The following NMUR2 variants were observed in gnomAD, a reference collection of about 807,000 sequenced individuals.
NMUR2 encodes the protein neuromedin-U receptor 2.
NMUR2 carries 24 observed loss-of-function variants against 25.1 expected under a neutral mutation model. That is an observed-to-expected ratio of 0.96 (90% confidence interval 0.69 to 1.34). NMUR2 has a LOEUF of 1.34. NMUR2 is among the 40% of genes most tolerant of loss of function. NMUR2 has a pLI of 0.00. For missense variants in NMUR2, 533 were observed against 512.8 expected (o/e 1.04, Z -0.38); for synonymous variants, 218 against 208.1 (o/e 1.05, Z -0.41).
chr5:152,396,055 A>C (rs976481210), intron 2 of NMUR2, among the ~76,000 whole-genome samples: 1 of 152,106 alleles, frequency 6.6e-6, no homozygotes, highest in Non-Finnish European at 1.5e-5. Context: ...CTTTACAAGA[A>C]TCTTTTGATT....
At chr5:152,400,133 G>T (rs1753229054) in intron 1 of NMUR2, among the ~76,000 whole-genome samples, 1 of 152,104 alleles carries the variant, frequency 6.6e-6, no homozygotes. Flanking sequence ...CAGTTAGGTA[G>T]CACTCAGGAC....
Position 152,392,301 on chromosome 5 carries a change from G to T in NMUR2, c.1138C>A (p.Pro380Thr). 6.2e-7 allele frequency: 1 copy of T among 1,613,950 alleles called. No individual in the cohort carries two copies. The highest frequency in any genetic ancestry group is 8.5e-7 in the Non-Finnish European group (1 of 1,179,926). The stretch of plus-strand genomic sequence containing the variant: ...ATGGATGACTGACATGGGAATTGGG[G>T]ACCTATATCTTCGGTCAGCTCCACA... ...HFVELTEDIG[P>T]QFPCQSSMHN... The change falls in exon 4 of 4, where the codon CCC (proline) becomes ACC (threonine). Residue 380 changes from proline (P) to threonine (T), a missense_variant. By Grantham distance (38) the Pro-to-Thr change is conservative. Transcript: ENST00000255262.
intron 1 of NMUR2, among the ~76,000 whole-genome samples, chr5:152,400,727 T>G (rs369620240): frequency 2.6e-4 from 40 of 152,366 alleles, no homozygotes; most frequent in African/African-American, 9.1e-4. Flanking sequence ...TATGCAGTTA[T>G]TCTATTATTT....
intron 1 of NMUR2, among the ~76,000 whole-genome samples, chr5:152,398,510 C>A (rs1274044729): frequency 6.6e-6 from 1 of 152,190 alleles, no homozygotes; most frequent in African/African-American, 2.4e-5. Context: ...TATTAGAAAT[C>A]TGTTAAAGTG....
At chr5:152,396,244 A>C (rs189248782) in intron 2 of NMUR2, among the ~76,000 whole-genome samples, 1 of 151,014 alleles carries the variant, frequency 6.6e-6, no homozygotes, top group African/African-American at 2.4e-5. Flanking sequence ...TTTCCTTTTG[A>C]AGTTGTAAAT....
At position 152,398,097 on chromosome 5, in the gene NMUR2, A is replaced by G. The variant is rs1158295516; in HGVS notation, c.774T>C (p.Ile258=). 1 of 1,613,448 alleles carries G rather than the reference A, an allele frequency of 6.2e-7. No homozygotes were observed. Among genetic ancestry groups the G allele is most frequent in the East Asian group, 2.2e-5 (1 of 44,840 alleles). ...SLEADEGNAN[I]QRPCRKSVNK... Reference sequence around the variant, plus strand: ...TGACTGATTTTCTGCAGGGTCTTTGAATATTTGCATTCCCTTCATCTGCCT... The same window carrying G: ...TGACTGATTTTCTGCAGGGTCTTTGGATATTTGCATTCCCTTCATCTGCCT... Residue 258 remains isoleucine, a synonymous_variant, in exon 2 of 4, where the codon ATT becomes ATC. Coordinates refer to ENST00000255262, the MANE Select transcript of NMUR2 (RefSeq NM_020167.5).
intron 1 of NMUR2, 149 bp from the exon 2 acceptor site, chr5:152,398,293 T>A (rs1386789026): frequency 6.4e-6 from 4 of 624,254 alleles, no homozygotes; most frequent in Non-Finnish European, 1.1e-5. Flanking sequence ...TGTTTAACAG[T>A]ATGTTGAAGG....
chr5:152,396,225 C>CT lies in NMUR2; in HGVS notation c.812-642dup, dbSNP rs1163816003. ...ACACACACACACACACACACACACA[C>CT]TTTTTTTTTTTCCTTTTGAAGTTGT... is the stretch of plus-strand genomic sequence containing the variant. On this transcript the variant is annotated intron_variant, in intron 2 of 3. Transcript: ENST00000255262. 4.9e-3 allele frequency among the ~76,000 whole-genome samples: 499 copies of CT among 101,836 alleles called. 3 individuals are homozygous for CT. The highest frequency in any genetic ancestry group is 0.014 in the African/African-American group (473 of 34,334). The allele number at this position is 101,836 out of a possible 152,430, so 66.8% of individuals were successfully genotyped here. A position where few individuals can be genotyped will look rare whatever the true frequency, so the allele number is the denominator to read the frequency against.
rs1267875962 is a variant in NMUR2 at position 152,405,200 on chromosome 5, C to A, written c.-87G>T. The A allele has an allele frequency of 1.8e-4, 263 of 1,441,458 alleles. 1 individual carries two copies. In the African/African-American group the frequency reaches 3.4e-3, roughly 18 times the overall value. The allele number at this position is 1,441,458 out of a possible 1,614,324, so 89.3% of individuals were successfully genotyped here. On this transcript the variant is annotated 5_prime_UTR_variant, in exon 1 of 4. Coordinates refer to ENST00000255262, the MANE Select transcript of NMUR2 (RefSeq NM_020167.5). ...AAAAAAAAAAAAGAAAAAAGGAAAA[C>A]AAAAAAGAGAAAGCAGTCACGAAAG...
Position 152,392,386 on chromosome 5 carries a change from G to A in NMUR2, c.1053C>T (p.Ser351=), listed in dbSNP as rs757515375. ...CAGGTGGCAACTGTGGGTCATGCTG[G>A]GAGTGCCACTGTTTGTGGAAAGAAG... The part of the protein sequence containing the change: ...VISSFHKQWH[S]QHDPQLPPAQ... The change falls in exon 4 of 4, where the codon TCC becomes TCT. Residue 351 remains serine (S), a synonymous_variant. Coordinates refer to ENST00000255262, the MANE Select transcript of NMUR2 (RefSeq NM_020167.5). 1 of 1,614,034 alleles carries A rather than the reference G, an allele frequency of 6.2e-7. No individual in the cohort carries two copies. Among genetic ancestry groups the A allele is most frequent in the Non-Finnish European group, 8.5e-7 (1 of 1,179,938 alleles).
chr5:152,399,472 C>G (rs899010873), intron 1 of NMUR2, among the ~76,000 whole-genome samples: 2 of 152,052 alleles, frequency 1.3e-5, no homozygotes, highest in African/African-American at 4.8e-5. Context: ...TCTGAAGATG[C>G]AAGTTTTCAT....
chr5:152,398,276 C>T (rs41290591), intron 1 of NMUR2, 132 bp from the exon 2 acceptor site: 24 of 643,122 alleles, frequency 3.7e-5, no homozygotes, highest in East Asian at 1.1e-4. Flanking sequence ...TGTAAGACTA[C>T]GTCAAATGTT....
At position 152,404,676 on chromosome 5, in the gene NMUR2, C is replaced by T; in HGVS notation, c.438G>A (p.Val146=). Residue 146 remains valine (V), a synonymous_variant, in exon 1 of 4, where the codon GTG becomes GTA. Transcript: ENST00000255262. ...TGGCGCGGAACGGGTGTAGGATGGCCACGTAGCGCTCCACGCTGACGGTGG... is the reference window on the plus strand; with the variant it reads ...TGGCGCGGAACGGGTGTAGGATGGCTACGTAGCGCTCCACGCTGACGGTGG... ...SITTVSVERY[V]AILHPFRAKL... is the part of the protein sequence containing the mutation. 1 of 1,614,044 alleles carries T rather than the reference C, an allele frequency of 6.2e-7. No individual in the cohort carries two copies. The highest frequency in any genetic ancestry group is 8.5e-7 in the Non-Finnish European group (1 of 1,180,012).
Position 152,392,065 on chromosome 5 carries a change from A to T in NMUR2, c.*126T>A, listed in dbSNP as rs970055712. 8 of 787,820 alleles carry T rather than the reference A, an allele frequency of 1.0e-5. No individual in the cohort carries two copies. The highest frequency in any genetic ancestry group is 1.7e-5 in the African/African-American group (1 of 57,210). 48.8% of individuals were successfully genotyped at this position (787,820 alleles called of 1,614,324 possible). On this transcript the variant is annotated 3_prime_UTR_variant, in exon 4 of 4. Coordinates refer to ENST00000255262, the MANE Select transcript of NMUR2 (RefSeq NM_020167.5). ...TTTCACGTTTATTAAAAAAAAAAAA[A>T]CTAGCAATGGGTACATGAGTTGTAA...
chr5:152,393,158 C>T (rs1345123314), intron 3 of NMUR2, among the ~76,000 whole-genome samples: 1 of 152,074 alleles, frequency 6.6e-6, no homozygotes, highest in Non-Finnish European at 1.5e-5. Flanking sequence ...CAAAATCAGC[C>T]CAAGTTTGGG....
rs973246796 is a variant in NMUR2, at chr5:152,404,542, T to C, written c.572A>G (p.Tyr191Cys). ...NTSIHGIKFH[Y>C]FPNGSLVPGS... ...TGGGACCAGGGACCCATTGGGGAAGTAGTGGAACTTGATGCCATGGATGCT... is the reference window on the plus strand; with the variant it reads ...TGGGACCAGGGACCCATTGGGGAAGCAGTGGAACTTGATGCCATGGATGCT... Residue 191 changes from tyrosine to cysteine, a missense_variant, in exon 1 of 4, where the codon TAC (tyrosine) becomes TGC (cysteine). Physicochemically the swap from Tyr to Cys is radical, Grantham distance 194. Transcript: ENST00000255262. The C allele has an allele frequency of 1.1e-5, 18 of 1,613,986 alleles. No individual in the cohort carries two copies. Among genetic ancestry groups the C allele is most frequent in the Non-Finnish European group, 1.5e-5 (18 of 1,180,022 alleles).
chr5:152,395,736 G>A lies in NMUR2; in HGVS notation c.812-152C>T, dbSNP rs1426566706. The A allele has an allele frequency of 4.3e-6, 3 of 695,430 alleles. No individual in the cohort carries two copies. The Admixed American group carries it at 9.8e-5, about 23-fold the overall frequency. 43.1% of individuals were successfully genotyped at this position (695,430 alleles called of 1,614,324 possible). On this transcript the variant is annotated intron_variant, in intron 2 of 3. Coordinates refer to ENST00000255262, the MANE Select transcript of NMUR2 (RefSeq NM_020167.5). ...ATAGAGGCAAACTAGATCCCAAAGA[G>A]TCTCAGTACAAAACACTTAAAACAC...
In NMUR2 at chr5:152,405,136, C is replaced by T; in HGVS notation, c.-23G>A. On this transcript the variant is annotated 5_prime_UTR_variant, in exon 1 of 4. Coordinates refer to ENST00000255262, the MANE Select transcript of NMUR2 (RefSeq NM_020167.5). ...CATTAAAATCCAAGGCCTGAGCCTCCCCTGGTACGAGGCTCTGTTTCAAGC... is the reference window on the plus strand; with the variant it reads ...CATTAAAATCCAAGGCCTGAGCCTCTCCTGGTACGAGGCTCTGTTTCAAGC... The T allele has an allele frequency of 1.3e-6, 2 of 1,570,674 alleles. No homozygotes were observed. Among genetic ancestry groups the T allele is most frequent in the Non-Finnish European group, 8.6e-7 (1 of 1,158,826 alleles).
chr5:152,395,789 C>G (rs1364726768), intron 2 of NMUR2, among the ~76,000 whole-genome samples: 1 of 150,828 alleles, frequency 6.6e-6, no homozygotes, highest in Non-Finnish European at 1.5e-5. Context: ...GATCTAGGAT[C>G]AGTTTTCCAT....
Sources: allele counts gnomAD v4.1 joint callset (sites outside exome capture counted in the v4.1 genomes callset), GRCh38; gene constraint gnomAD v4.1.1; transcripts MANE v1.5; gene names NCBI Gene and HGNC (gene_info 2026-07-23, HGNC 2026-07-21).